Variants in ERI1 observed in about 807,000 individuals in gnomAD.
ERI1 encodes the protein 3'-5' exoribonuclease 1.
ERI1 carries 39 observed loss-of-function variants against 39.7 expected under a neutral mutation model. That is an observed-to-expected ratio of 0.98 (90% CI 0.76 to 1.28). ERI1 has a LOEUF of 1.28. ERI1 is among the 50% of genes most tolerant of loss of function. The probability of loss-of-function intolerance (pLI) is 0.00; values close to 1 mark genes in which losing one functional copy is unlikely to be tolerated. For synonymous variants in ERI1, 204 were observed against 149.6 expected (o/e 1.36, Z -2.65); for missense variants, 581 against 416.9 (o/e 1.39, Z -3.43).
rs377111486 is a variant in ERI1, at chr8:9,083,649, C to CG, written n.300-32692dup. ...CATGGTCCATGTTAAAAAAAAAAAGCGGGGGGGAAGAATACTGCTTCATGC... is the reference window on the plus strand; with the variant it reads ...CATGGTCCATGTTAAAAAAAAAAAGCGGGGGGGGAAGAATACTGCTTCATGC... On this transcript the variant is annotated intron_variant and non_coding_transcript_variant, in intron 3 of 3. Transcript: ENST00000518663. Among the ~76,000 whole-genome samples the CG allele has an allele frequency of 1.8e-3, 260 of 144,550 alleles. 2 individuals carry two copies. The highest frequency in any genetic ancestry group is 6.0e-3 in the African/African-American group (231 of 38,576). 94.8% of individuals were successfully genotyped at this position (144,550 alleles called of 152,430 possible).
At chr8:9,087,436 G>GTTTT (rs71201908) in intron 3 of ERI1, among the ~76,000 whole-genome samples, 2 of 108,814 alleles carry the variant, frequency 1.8e-5, no homozygotes, top group Non-Finnish European at 3.6e-5. Flanking sequence ...TTTTTTTTTT[G>GTTTT]ATTTTTAGTA....
At chr8:9,011,375 T>C (rs1816649523) in intron 2 of ERI1, among the ~76,000 whole-genome samples, 167 bp from the exon 3 acceptor site, 1 of 152,240 alleles carries the variant, frequency 6.6e-6, no homozygotes, top group African/African-American at 2.4e-5. Context: ...TTTAATTAGT[T>C]CTTTGCTAAC....
At chr8:9,011,117 C>G (rs1195133753) in intron 2 of ERI1, among the ~76,000 whole-genome samples, 1 of 152,080 alleles carries the variant, frequency 6.6e-6, no homozygotes, top group Non-Finnish European at 1.5e-5. Flanking sequence ...ATATTTTCAA[C>G]TTAACCCAAA....
Position 9,030,574 on chromosome 8 carries a change from A to G in ERI1, c.*540A>G, listed in dbSNP as rs182345337. 1.7e-3 allele frequency: 260 copies of G among 153,792 alleles called. 1 individual carries two copies. Among genetic ancestry groups the G allele is most frequent in the Non-Finnish European group, 1.9e-3 (134 of 68,910 alleles). 9.5% of individuals were successfully genotyped at this position (153,792 alleles called of 1,614,324 possible). ...AGGTACTTGGTATACATATCTGCCTATGTTTCTTTTCAACTCATAATTGGA... is the reference window on the plus strand; with the variant it reads ...AGGTACTTGGTATACATATCTGCCTGTGTTTCTTTTCAACTCATAATTGGA... On this transcript the variant is annotated 3_prime_UTR_variant, in exon 7 of 7. Coordinates refer to ENST00000250263, the MANE Select transcript of ERI1 (RefSeq NM_153332.4).
chr8:9,041,193 C>G (rs1002929123), intron 3 of ERI1, among the ~76,000 whole-genome samples: 3 of 152,138 alleles, frequency 2.0e-5, no homozygotes, highest in Non-Finnish European at 4.4e-5. Context: ...CAAGCAACAA[C>G]GTATTAGGGA....
intron 1 of ERI1, among the ~76,000 whole-genome samples, chr8:9,007,622 A>G (rs1197308691): frequency 6.6e-6 from 1 of 152,242 alleles, no homozygotes; most frequent in Non-Finnish European, 1.5e-5. Context: ...ATTGAGGATC[A>G]GAGGCTAATA....
rs555257784 is a variant in ERI1, at chr8:9,097,551, C to T, written n.300-18797C>T. 1.7e-3 allele frequency among the ~76,000 whole-genome samples: 265 copies of T among 152,070 alleles called. 5 individuals are homozygous for T. The highest frequency in any genetic ancestry group is 0.016 in the Admixed American group (241 of 15,284). On this transcript the variant is annotated intron_variant and non_coding_transcript_variant, in intron 3 of 3. Transcript: ENST00000518663. The stretch of plus-strand genomic sequence containing the variant: ...AGACACGGTGGCGTGCGCCTGTAGT[C>T]CCAGCTACGCAGGAGGCTGAGGCTG...
intron 3 of ERI1, among the ~76,000 whole-genome samples, chr8:9,067,466 G>A (rs991520887): frequency 6.6e-6 from 1 of 151,208 alleles, no homozygotes; most frequent in African/African-American, 2.4e-5. Context: ...CCTAGCCTGG[G>A]CAACATAGAG....
chr8:9,013,507 G>A (rs1816896949), intron 3 of ERI1, among the ~76,000 whole-genome samples: 1 of 151,636 alleles, frequency 6.6e-6, no homozygotes, highest in Non-Finnish European at 1.5e-5. Flanking sequence ...GATGACCCAG[G>A]TCTCAATCCT....
chr8:9,059,037 C>A (rs1223470929), intron 3 of ERI1, among the ~76,000 whole-genome samples: 2 of 151,696 alleles, frequency 1.3e-5, no homozygotes, highest in South Asian at 2.1e-4. Flanking sequence ...AGGGGTGGGG[C>A]CGTTTTATAG....
chr8:9,023,792 A>ATTTTT (rs369208558), intron 6 of ERI1, among the ~76,000 whole-genome samples: 28 of 68,630 alleles, frequency 4.1e-4, no homozygotes, highest in Non-Finnish European at 7.6e-4. Context: ...AGTAAAAATG[A>ATTTTT]CTTTTTTTTT....
chr8:9,050,170 CAAAAA>C (rs10552004), intron 3 of ERI1, among the ~76,000 whole-genome samples: 2 of 149,064 alleles, frequency 1.3e-5, no homozygotes, highest in Non-Finnish European at 3.0e-5. Flanking sequence ...TCTAAGTGGT[CAAAAA>C]AAAAAAAAAA....
intron 3 of ERI1, 141 bp from the exon 4 acceptor site, chr8:9,016,181 G>T: frequency 2.3e-6 from 1 of 438,236 alleles, no homozygotes; most frequent in East Asian, 3.4e-5. Flanking sequence ...TTCGATGTGG[G>T]GAATTATTCT....
rs78696960 is a variant in ERI1, at chr8:9,024,314, A to G, written c.807+3850A>G. Among the ~76,000 whole-genome samples, 839 of 152,336 alleles carry G rather than the reference A, an allele frequency of 5.5e-3. 8 individuals carry two copies. The highest frequency in any genetic ancestry group is 0.019 in the African/African-American group (786 of 41,572). On this transcript the variant is annotated intron_variant, in intron 6 of 6. Coordinates refer to ENST00000250263, the MANE Select transcript of ERI1 (RefSeq NM_153332.4). ...GTATAAGATTTTGGGGGAAATCCCA[A>G]ACTTTCTTTGTGCGTGGCATATCAA...
At chr8:9,041,392 T>C (rs149775578) in intron 3 of ERI1, among the ~76,000 whole-genome samples, 163 of 152,300 alleles carry the variant, frequency 1.1e-3, no homozygotes, top group African/African-American at 3.7e-3. Flanking sequence ...CACGCTCTTC[T>C]CATCGGCACA....
intron 3 of ERI1, among the ~76,000 whole-genome samples, chr8:9,068,461 C>G (rs2117418953): frequency 6.6e-6 from 1 of 152,238 alleles, no homozygotes; most frequent in East Asian, 1.9e-4. Context: ...CTTGGCCTCC[C>G]TAGTAGCTAG....
At chr8:9,022,140 A>C (rs1212833997) in intron 6 of ERI1, among the ~76,000 whole-genome samples, 1 of 152,046 alleles carries the variant, frequency 6.6e-6, no homozygotes, top group Non-Finnish European at 1.5e-5. Context: ...TAGTTACTGT[A>C]AGTTTTTGCT....
At chr8:9,092,971 C>T (rs990214059) in intron 3 of ERI1, among the ~76,000 whole-genome samples, 4 of 152,166 alleles carry the variant, frequency 2.6e-5, no homozygotes, top group East Asian at 1.9e-4. Flanking sequence ...TTCCTTGGCT[C>T]GTGGGCCCAT....
At chr8:9,022,835 C>G (rs1013770186) in intron 6 of ERI1, among the ~76,000 whole-genome samples, 5 of 152,056 alleles carry the variant, frequency 3.3e-5, no homozygotes, top group Admixed American at 1.3e-4. Flanking sequence ...AACTCATGGC[C>G]AGTCATGTTT....
Sources: allele counts gnomAD v4.1 joint callset (sites outside exome capture counted in the v4.1 genomes callset), GRCh38; gene constraint gnomAD v4.1.1; transcripts MANE v1.5; gene names NCBI Gene and HGNC (gene_info 2026-07-23, HGNC 2026-07-21).